Variants in ZMYM4 observed in about 807,000 individuals in gnomAD.
ZMYM4 encodes the protein zinc finger MYM-type containing 4.
ZMYM4 carries 31 observed loss-of-function variants against 183.2 expected under a neutral mutation model. The observed-to-expected ratio is 0.17, with a 90% CI of 0.13 to 0.23. ZMYM4 has a LOEUF of 0.23. ZMYM4 is among the 10% of genes least tolerant of loss of function. The probability of loss-of-function intolerance (pLI) is 1.00; values close to 1 mark genes in which losing one functional copy is unlikely to be tolerated. For missense variants in ZMYM4, 1,273 were observed against 1,840.3 expected, an observed-to-expected ratio of 0.69 and a Z score of 5.64; for synonymous variants, 592 against 631.2, an observed-to-expected ratio of 0.94 and a Z score of 0.93.
At chr1:35,349,608 A>G (rs1299550092) in intron 2 of ZMYM4, among the ~76,000 whole-genome samples, 3 of 151,938 alleles carry the variant, frequency 2.0e-5, no homozygotes, top group Middle Eastern at 3.2e-3. Flanking sequence ...CAGGTGGGTC[A>G]CTTAAGGTCA....
At chr1:35,356,144 A>G (rs1308628961) in intron 2 of ZMYM4, among the ~76,000 whole-genome samples, 1 of 152,178 alleles carries the variant, frequency 6.6e-6, no homozygotes, top group African/African-American at 2.4e-5. Flanking sequence ...CTGGAGGCGG[A>G]GGTTGTAATA....
At chr1:35,393,527 T>C in intron 17 of ZMYM4, 68 bp from the exon 18 acceptor site, 1 of 1,372,012 alleles carries the variant, frequency 7.3e-7, no homozygotes, top group Non-Finnish European at 9.7e-7. Flanking sequence ...TTTAATATTA[T>C]AATATTTCTT....
chr1:35,404,968 T>A, intron 23 of ZMYM4, 55 bp from the exon 24 acceptor site: 1 of 1,520,268 alleles, frequency 6.6e-7, no homozygotes, highest in Admixed American at 2.1e-5. Context: ...GAACCCTGAC[T>A]CTTAAAAATC....
At chr1:35,346,650 C>CAAAAAAAAAAAAA (rs746472685) in intron 2 of ZMYM4, among the ~76,000 whole-genome samples, 647 of 52,610 alleles carry the variant, frequency 0.012, no homozygotes, top group Non-Finnish European at 0.026. Context: ...GACTCCATCT[C>CAAAAAAAAAAAAA]AAAAAAAAAA....
chr1:35,390,177 G>A lies in ZMYM4; in HGVS notation c.2587+79G>A, dbSNP rs1644673896. 2.9e-6 allele frequency: 4 copies of A among 1,377,224 alleles called. No individual in the cohort carries two copies. In the East Asian group the frequency reaches 9.6e-5, roughly 33 times the overall value. 85.3% of individuals were successfully genotyped at this position (1,377,224 alleles called of 1,614,324 possible). A position where few individuals can be genotyped will look rare whatever the true frequency, so the allele number is the denominator to read the frequency against. ...TGTTCTTTTACAGATCAGGAACTGT[G>A]TAAACAGTTGTCATTAATTTCATGA... On this transcript the variant is annotated intron_variant, in intron 15 of 29. Coordinates refer to ENST00000314607, the MANE Select transcript of ZMYM4 (RefSeq NM_005095.3).
Position 35,343,755 on chromosome 1 carries a change from C to T in ZMYM4, c.86-15170C>T, listed in dbSNP as rs931222944. On this transcript the variant is annotated intron_variant, in intron 2 of 29. Transcript: ENST00000314607. ...TGACGGGCACCTGTAATCCCAGCTACTCGGGAGGCTGAGGCAGACAATTGC... is the reference window on the plus strand; with the variant it reads ...TGACGGGCACCTGTAATCCCAGCTATTCGGGAGGCTGAGGCAGACAATTGC... 1.6e-4 allele frequency among the ~76,000 whole-genome samples: 25 copies of T among 151,900 alleles called. 1 individual carries two copies. The highest frequency in any genetic ancestry group is 6.0e-4 in the African/African-American group (25 of 41,390).
chr1:35,280,717 C>T (rs1264910497), intron 1 of ZMYM4, among the ~76,000 whole-genome samples: 1 of 152,074 alleles, frequency 6.6e-6, no homozygotes, highest in Non-Finnish European at 1.5e-5. Context: ...CAGTTTTTGC[C>T]TCTGTCTTTA....
At chr1:35,367,470 C>T (rs747704941) in intron 5 of ZMYM4, among the ~76,000 whole-genome samples, 5 of 151,806 alleles carry the variant, frequency 3.3e-5, no homozygotes, top group Non-Finnish European at 5.9e-5. Flanking sequence ...CTCAGGTGAT[C>T]CACCCACCTC....
rs1644669328 is a variant in ZMYM4 at position 35,389,980 on chromosome 1, T to G, written c.2469T>G (p.Gly823=). 1.9e-6 allele frequency: 3 copies of G among 1,613,462 alleles called. No individual in the cohort carries two copies. The highest frequency in any genetic ancestry group is 2.5e-6 in the Non-Finnish European group (3 of 1,179,620). ...MAKCDACKRQ[G]KLSESLKWRG... is the part of the protein sequence containing the mutation. ...AATGTGATGCTTGTAAGCGACAGGG[T>G]AAACTCAGTGAGTCCTTGAAATGGC... Residue 823 remains glycine (G), a synonymous_variant, in exon 15 of 30, where the codon GGT becomes GGG. Coordinates refer to ENST00000314607, the MANE Select transcript of ZMYM4 (RefSeq NM_005095.3). This position sits in a 1 kb window ranked among gnomAD's most constrained non-coding sequence, Gnocchi z 4.0.
chr1:35,335,857 G>C (rs1642952207), intron 2 of ZMYM4, among the ~76,000 whole-genome samples: 2 of 152,192 alleles, frequency 1.3e-5, no homozygotes, highest in African/African-American at 2.4e-5. Context: ...GGAGGCTGAG[G>C]CAGGAGAATG....
At chr1:35,363,387 C>T (rs1643991002) in intron 5 of ZMYM4, among the ~76,000 whole-genome samples, 1 of 152,180 alleles carries the variant, frequency 6.6e-6, no homozygotes, top group Admixed American at 6.5e-5. Flanking sequence ...CTGTGCATTG[C>T]AGGACATTTA....
intron 2 of ZMYM4, chr1:35,351,051 AG>A: frequency 1.2e-6 from 1 of 849,948 alleles, no homozygotes; most frequent in Non-Finnish European, 2.0e-6. Context: ...CCTTCTCAAT[AG>A]GTTTGGCATG....
intron 1 of ZMYM4, among the ~76,000 whole-genome samples, chr1:35,274,101 C>T (rs992103704): frequency 6.6e-6 from 1 of 152,058 alleles, no homozygotes; most frequent in African/African-American, 2.4e-5. Context: ...TTTCTCTTTT[C>T]TGTCTTTTTG....
At chr1:35,356,221 C>T (rs2148897517) in intron 2 of ZMYM4, among the ~76,000 whole-genome samples, 1 of 152,246 alleles carries the variant, frequency 6.6e-6, no homozygotes, top group South Asian at 2.1e-4. Context: ...AAAAATGAAC[C>T]AACTAACTAA....
At chr1:35,299,555 A>C (rs1641178267) in intron 1 of ZMYM4, among the ~76,000 whole-genome samples, 2 of 152,206 alleles carry the variant, frequency 1.3e-5, no homozygotes, top group Admixed American at 6.5e-5. Flanking sequence ...TAAGTTACAA[A>C]AGTTATACCC....
intron 9 of ZMYM4, among the ~76,000 whole-genome samples, chr1:35,382,576 A>G (rs1209006029): frequency 1.3e-5 from 2 of 150,838 alleles, no homozygotes; most frequent in East Asian, 1.9e-4. Context: ...CCAAGTAGCT[A>G]GGATTACAGG....
chr1:35,354,727 T>TA (rs57493035), intron 2 of ZMYM4, among the ~76,000 whole-genome samples: 3,445 of 83,912 alleles, frequency 0.041, 164 homozygotes, highest in African/African-American at 0.064. Flanking sequence ...ACTTTGTCTT[T>TA]AAAAAAAAAA....
intron 1 of ZMYM4, among the ~76,000 whole-genome samples, chr1:35,283,432 G>A (rs142852997): frequency 0.092 from 13,606 of 147,308 alleles, 1,716 homozygotes; most frequent in African/African-American, 0.29. Context: ...CCACCTCCTG[G>A]GTTCACGCCA....
chr1:35,270,400 A>G (rs935454049), intron 1 of ZMYM4, among the ~76,000 whole-genome samples: 2 of 152,194 alleles, frequency 1.3e-5, no homozygotes, highest in African/African-American at 4.8e-5. Flanking sequence ...ATTTTGAACT[A>G]TCCGTCAATA....
Sources: gnomAD v4.1 joint callset for allele counts (sites outside exome capture counted in the v4.1 genomes callset) on GRCh38, gnomAD v4.1.1 for gene constraint, Gnocchi (gnomAD v3.1) non-coding constraint, MANE v1.5 for transcripts, NCBI Gene and HGNC (gene_info 2026-07-23, HGNC 2026-07-21) for gene names.